The following LPAR6 variants were observed in gnomAD, a reference collection of about 807,000 sequenced individuals.
The protein encoded by LPAR6 is lysophosphatidic acid receptor 6.
A neutral mutation model predicts 22.0 loss-of-function variants in LPAR6; 17 were observed. The ratio of observed to expected loss-of-function variants is 0.77; its 90% CI spans 0.53 to 1.16. The LOEUF is 1.16. Among genes scored for constraint, LPAR6 ranks in the 50% most tolerant of loss-of-function variants. The probability of loss-of-function intolerance (pLI) is 0.00; values close to 1 mark genes in which losing one functional copy is unlikely to be tolerated. For missense variants in LPAR6, 384 were observed against 406.9 expected (o/e 0.94, Z 0.48); for synonymous variants, 136 against 139.8 (o/e 0.97, Z 0.19).
At chr13:48,420,066 C>A (rs1349636785) in intron 2 of LPAR6, among the ~76,000 whole-genome samples, 8 of 152,156 alleles carry the variant, frequency 5.3e-5, no homozygotes, top group Non-Finnish European at 1.0e-4. Flanking sequence ...GATACCATAA[C>A]CTGCCAGAGA....
upstream of LPAR6, among the ~76,000 whole-genome samples, chr13:48,415,049 T>C (rs1039266340): frequency 2.6e-5 from 4 of 152,162 alleles, no homozygotes; most frequent in Non-Finnish European, 5.9e-5. Flanking sequence ...AGTAATCTTC[T>C]TTCAAATTGA....
At chr13:48,436,596 T>A (rs558157881) in intron 1 of LPAR6, among the ~76,000 whole-genome samples, 213 of 151,978 alleles carry the variant, frequency 1.4e-3, no homozygotes, top group Admixed American at 3.8e-3. Context: ...TGAGCCAAGA[T>A]TGCACCACTG....
At chr13:48,433,002 CTTTT>C (rs1453402087) in intron 1 of LPAR6, among the ~76,000 whole-genome samples, 1 of 152,022 alleles carries the variant, frequency 6.6e-6, no homozygotes, top group African/African-American at 2.4e-5. Context: ...ACTGCTCTTT[CTTTT>C]TATGTGCTCT....
At chr13:48,442,329 T>A (rs780576386) in intron 1 of LPAR6, among the ~76,000 whole-genome samples, 1 of 152,086 alleles carries the variant, frequency 6.6e-6, no homozygotes, top group Non-Finnish European at 1.5e-5. Flanking sequence ...GCCTCCCGAG[T>A]AGCTGGGACT....
At chr13:48,419,310 C>T (rs2138234403) in intron 2 of LPAR6, among the ~76,000 whole-genome samples, 2 of 152,218 alleles carry the variant, frequency 1.3e-5, no homozygotes, top group African/African-American at 2.4e-5. Context: ...GAAATTAAGG[C>T]AGAAACAAAG....
intron 1 of LPAR6, among the ~76,000 whole-genome samples, chr13:48,426,408 A>T (rs769135443): frequency 1.2e-4 from 19 of 152,234 alleles, no homozygotes; most frequent in Non-Finnish European, 2.4e-4. Flanking sequence ...AGCACTGCTA[A>T]TGTACAGCCA....
chr13:48,419,455 C>G (rs750933048), intron 2 of LPAR6, among the ~76,000 whole-genome samples: 2 of 151,810 alleles, frequency 1.3e-5, no homozygotes, highest in Admixed American at 1.3e-4. Flanking sequence ...AAATTGACAC[C>G]CTAACATCAC....
upstream of LPAR6, among the ~76,000 whole-genome samples, chr13:48,431,074 A>G (rs1474337915): frequency 6.6e-6 from 1 of 152,252 alleles, no homozygotes. Flanking sequence ...TATGAATCAT[A>G]TGAGTTATAA....
rs1948799174 is a variant in LPAR6, at chr13:48,411,456, T to C, written c.968A>G (p.Glu323Gly). The change falls in exon 1 of 1, where the codon GAG becomes GGG. Residue 323 changes from glutamate (E) to glycine (G), a missense_variant. By Grantham distance (98) the Glu-to-Gly change is moderately conservative (BLOSUM62 -2). Transcript: ENST00000620633. Reference protein sequence around the residue: ...DFRFSEVHGAENFIQHNLQTL... With the variant: ...DFRFSEVHGAGNFIQHNLQTL... The stretch of plus-strand genomic sequence containing the variant: ...CTGTAGGTTATGCTGAATAAAATTC[T>C]CTGCACCATGAACTTCAGAGAATCT... The C allele has an allele frequency of 1.2e-6, 2 of 1,613,308 alleles. No homozygotes were observed. Among genetic ancestry groups the C allele is most frequent in the Non-Finnish European group, 1.7e-6 (2 of 1,179,704 alleles).
At chr13:48,430,009 A>C (rs1306830889), upstream of LPAR6, among the ~76,000 whole-genome samples, 1 of 152,208 alleles carries the variant, frequency 6.6e-6, no homozygotes, top group Admixed American at 6.5e-5. Context: ...TTTTCAGTGC[A>C]TGTTTTTACA....
At chr13:48,422,699 G>A (rs1949024422) in exon 2 of LPAR6, 1 of 152,120 alleles carries the variant, frequency 6.6e-6, no homozygotes, top group Non-Finnish European at 1.5e-5. Flanking sequence ...GGAGGCTGAA[G>A]TGGGAGGATT....
In LPAR6 at chr13:48,412,896, A is replaced by G. The variant is rs2227311; in HGVS notation, c.-473T>C. 19,793 of 176,732 alleles carry G rather than the reference A, an allele frequency of 0.11. 1,231 individuals carry two copies. The highest frequency in any genetic ancestry group is 0.17 in the Admixed American group (2,744 of 16,504). The allele number at this position is 176,732 out of a possible 1,614,324, so 10.9% of individuals were successfully genotyped here. On this transcript the variant is annotated 5_prime_UTR_variant, in exon 1 of 1. Coordinates refer to ENST00000620633, the MANE Select transcript of LPAR6 (RefSeq NM_001162498.3). ...ATCAATCTTATTTTCTTTTCAGTGCAGAGTTTCAGAGACTTAAACATTCCC... is the reference window on the plus strand; with the variant it reads ...ATCAATCTTATTTTCTTTTCAGTGCGGAGTTTCAGAGACTTAAACATTCCC...
At chr13:48,437,697 A>G (rs540997963) in intron 1 of LPAR6, among the ~76,000 whole-genome samples, 1 of 152,280 alleles carries the variant, frequency 6.6e-6, no homozygotes, top group East Asian at 1.9e-4. Flanking sequence ...TCCCTGCCTC[A>G]ACCCCAGTGG....
At chr13:48,417,995 G>A (rs1032326981), upstream of LPAR6, among the ~76,000 whole-genome samples, 1 of 152,154 alleles carries the variant, frequency 6.6e-6, no homozygotes, top group African/African-American at 2.4e-5. Context: ...AACCTAGCAC[G>A]ACAGGCCAAC....
At chr13:48,439,981 TAA>T (rs906395755) in intron 1 of LPAR6, among the ~76,000 whole-genome samples, 22 of 152,118 alleles carry the variant, frequency 1.4e-4, no homozygotes, top group African/African-American at 4.8e-4. Context: ...CATATATACA[TAA>T]GTCTAAATAT....
chr13:48,437,564 G>A (rs989708898), intron 1 of LPAR6, among the ~76,000 whole-genome samples: 2 of 152,132 alleles, frequency 1.3e-5, no homozygotes, highest in Non-Finnish European at 2.9e-5. Flanking sequence ...ACTGGGATTG[G>A]AGAGTCTACT....
At position 48,411,216 on chromosome 13, in the gene LPAR6, A is replaced by C; in HGVS notation, c.*173T>G. The C allele has an allele frequency of 1.7e-6, 1 of 579,334 alleles. No individual in the cohort carries two copies. Among genetic ancestry groups the C allele is most frequent in the Non-Finnish European group, 3.1e-6 (1 of 326,270 alleles). The allele number at this position is 579,334 out of a possible 1,614,324, so 35.9% of individuals were successfully genotyped here. ...ATCAGATGGAGTGGATACACAAATA[A>C]AATACATGTTAATGCTTAACACATT... On this transcript the variant is annotated 3_prime_UTR_variant, in exon 1 of 1. Coordinates refer to ENST00000620633, the MANE Select transcript of LPAR6 (RefSeq NM_001162498.3).
At chr13:48,442,112 G>A (rs975536915) in intron 1 of LPAR6, among the ~76,000 whole-genome samples, 1 of 152,086 alleles carries the variant, frequency 6.6e-6, no homozygotes, top group Non-Finnish European at 1.5e-5. Context: ...AGACATGCTA[G>A]CTTCAAGAAC....
chr13:48,428,507 C>T (rs990412438), upstream of LPAR6, among the ~76,000 whole-genome samples: 1 of 152,200 alleles, frequency 6.6e-6, no homozygotes, highest in African/African-American at 2.4e-5. Context: ...AAGGGACAAA[C>T]ATTGAAACCA....
Sources: gnomAD v4.1 joint callset for allele counts (sites outside exome capture counted in the v4.1 genomes callset) on GRCh38, gnomAD v4.1.1 for gene constraint, MANE v1.5 for transcripts, NCBI Gene and HGNC (gene_info 2026-07-23, HGNC 2026-07-21) for gene names.